TBK1: variants seen among roughly 807,000 people sequenced by gnomAD.
TBK1 encodes TANK binding kinase 1.
A neutral mutation model predicts 99.9 loss-of-function variants in TBK1; 37 were observed. That is an observed-to-expected ratio of 0.37 (90% confidence interval 0.28 to 0.49). The LOEUF (loss-of-function observed/expected upper bound fraction) is 0.49, where lower values mean the gene tolerates loss of function less well. Among genes scored for constraint, TBK1 ranks in the 20% least tolerant of loss-of-function variants. The probability of loss-of-function intolerance (pLI) is 0.98; values close to 1 mark genes in which losing one functional copy is unlikely to be tolerated. For missense variants in TBK1, 644 were observed against 872.5 expected, an observed-to-expected ratio of 0.74 and a Z score of 3.30; for synonymous variants, 258 against 279.8, an observed-to-expected ratio of 0.92 and a Z score of 0.78.
At chr12:64,479,831 T>G (rs2040750437) in intron 6 of TBK1, among the ~76,000 whole-genome samples, 181 bp from the exon 7 acceptor site, 1 of 152,214 alleles carries the variant, frequency 6.6e-6, no homozygotes, top group Non-Finnish European at 1.5e-5. Context: ...CAACCACTAT[T>G]GTACTTCAGT....
At chr12:64,456,735 G>A (rs970874672) in intron 2 of TBK1, among the ~76,000 whole-genome samples, 5 of 151,792 alleles carry the variant, frequency 3.3e-5, no homozygotes, top group East Asian at 3.9e-4. Context: ...CCAGCTACTC[G>A]GGAGGCTGAG....
intron 1 of TBK1, among the ~76,000 whole-genome samples, chr12:64,454,801 C>T (rs945299564): frequency 1.3e-5 from 2 of 151,110 alleles, no homozygotes; most frequent in African/African-American, 4.9e-5. Context: ...GTCAGCCTCC[C>T]GAGTAGCTGG....
At chr12:64,495,396 T>C (rs970733450) in intron 13 of TBK1, 87 bp from the exon 14 acceptor site, 2 of 1,476,536 alleles carry the variant, frequency 1.4e-6, no homozygotes, top group African/African-American at 2.8e-5. Context: ...ACAAAAGAAA[T>C]GTGGTCCAGA....
At position 64,485,482 on chromosome 12, in the gene TBK1, A is replaced by G; in HGVS notation, c.1217A>G (p.Tyr406Cys). ...KISLPKVHPR[Y>C]DLDGDASMAK... ...TCCCTCCCTAAAGTACATCCACGTT[A>G]TGATTTAGACGGGGATGCTAGCATG... Residue 406 changes from tyrosine to cysteine, a missense_variant, in exon 10 of 21, where the codon TAT becomes TGT. By Grantham distance (194) the Tyr-to-Cys change is radical. Around this residue, in one of 3 missense-constraint regions of TBK1, gnomAD observed 465 missense variants for 588.0 expected, o/e 0.79. Transcript: ENST00000331710. The G allele has an allele frequency of 1.3e-6, 2 of 1,567,942 alleles. No homozygotes were observed. Among genetic ancestry groups the G allele is most frequent in the Non-Finnish European group, 1.7e-6 (2 of 1,148,852 alleles).
Position 64,495,590 on chromosome 12 carries a change from T to C in TBK1, c.1629T>C (p.His543=). 6.2e-7 allele frequency: 1 copy of C among 1,614,014 alleles called. No homozygotes were observed. The highest frequency in any genetic ancestry group is 8.5e-7 in the Non-Finnish European group (1 of 1,179,950). ...CATGGGCACATCAAGAAGGCACTCA[T>C]CCGAAAGACAGAAAGTAGGTTATAG... The part of the protein sequence containing the change: ...ADAWAHQEGT[H]PKDRNVEKLQ... The change falls in exon 14 of 21, where the codon CAT becomes CAC. Residue 543 remains histidine, a synonymous_variant. Transcript: ENST00000331710.
chr12:64,469,506 A>G (rs775041352), intron 5 of TBK1, among the ~76,000 whole-genome samples: 3 of 152,096 alleles, frequency 2.0e-5, no homozygotes, highest in African/African-American at 4.8e-5. Flanking sequence ...TCTCAGTTAT[A>G]TTTGGCTAGA....
chr12:64,452,484 C>T (rs1182277181), intron 1 of TBK1: 2 of 152,290 alleles, frequency 1.3e-5, no homozygotes, highest in Non-Finnish European at 2.9e-5. Context: ...CGGTCCTCGA[C>T]CTGCATCCCG....
At position 64,488,479 on chromosome 12, in the gene TBK1, T is replaced by G. The variant is rs1331558876; in HGVS notation, c.1341-8T>G. On this transcript the variant is annotated splice_polypyrimidine_tract_variant and splice_region_variant and intron_variant, in intron 11 of 20. Transcript: ENST00000331710. Reference sequence around the variant, plus strand: ...GATAAACTAATTAGAATAATTTTCTTTTTTTAGTGAATTAATTAAAGATGA... The same window carrying G: ...GATAAACTAATTAGAATAATTTTCTGTTTTTAGTGAATTAATTAAAGATGA... 6.6e-7 allele frequency: 1 copy of G among 1,524,986 alleles called. No individual in the cohort carries two copies. Among genetic ancestry groups the G allele is most frequent in the Non-Finnish European group, 8.8e-7 (1 of 1,131,864 alleles). The allele number at this position is 1,524,986 out of a possible 1,614,324, so 94.5% of individuals were successfully genotyped here. A position where few individuals can be genotyped will look rare whatever the true frequency, so the allele number is the denominator to read the frequency against.
At chr12:64,494,994 C>A (rs1305805701) in intron 13 of TBK1, among the ~76,000 whole-genome samples, 1 of 152,184 alleles carries the variant, frequency 6.6e-6, no homozygotes, top group Non-Finnish European at 1.5e-5. Flanking sequence ...GATAAACTTA[C>A]TAAGCTTAAA....
intron 9 of TBK1, 134 bp from the exon 10 acceptor site, chr12:64,485,321 T>G (rs2040808177): frequency 2.1e-6 from 1 of 467,138 alleles, no homozygotes; most frequent in African/African-American, 2.0e-5. Flanking sequence ...TGAAGTGGTG[T>G]TTTTTTAATC....
chr12:64,487,185 T>A lies in TBK1; in HGVS notation c.1340+1168T>A, dbSNP rs147560993. Among the ~76,000 whole-genome samples the A allele has an allele frequency of 1.2e-3, 183 of 152,344 alleles. 2 individuals carry two copies. Among genetic ancestry groups the A allele is most frequent in the African/African-American group, 4.2e-3 (173 of 41,588 alleles). On this transcript the variant is annotated intron_variant, in intron 11 of 20. Coordinates refer to ENST00000331710, the MANE Select transcript of TBK1 (RefSeq NM_013254.4). Reference sequence around the variant, plus strand: ...CCATCTGAAAAAAATGGAAAATACATTATCTCTTTTGGAAATTATGCTTGT... The same window carrying A: ...CCATCTGAAAAAAATGGAAAATACAATATCTCTTTTGGAAATTATGCTTGT...
intron 5 of TBK1, among the ~76,000 whole-genome samples, chr12:64,473,552 G>A (rs1324645394): frequency 1.3e-5 from 2 of 152,216 alleles, no homozygotes; most frequent in Non-Finnish European, 2.9e-5. Flanking sequence ...AAGATGATAT[G>A]ATAGGCTCTA....
chr12:64,487,845 G>A (rs576825589), intron 11 of TBK1, among the ~76,000 whole-genome samples: 1 of 152,256 alleles, frequency 6.6e-6, no homozygotes, highest in South Asian at 2.1e-4. Flanking sequence ...GTTGATCCCT[G>A]ATGTAGATCA....
Position 64,501,324 on chromosome 12 carries a change from T to C in TBK1, c.2139-6T>C. The C allele has an allele frequency of 6.2e-7, 1 of 1,613,926 alleles. No homozygotes were observed. Among genetic ancestry groups the C allele is most frequent in the Non-Finnish European group, 8.5e-7 (1 of 1,179,950 alleles). ...TTACCTTTTTTTCTTTGTGTGTGTG[T>C]TTTAGGTTTGGCTCTTTAACCATGG... is the stretch of plus-strand genomic sequence containing the variant. On this transcript the variant is annotated splice_polypyrimidine_tract_variant and splice_region_variant and intron_variant, in intron 20 of 20. Coordinates refer to ENST00000331710, the MANE Select transcript of TBK1 (RefSeq NM_013254.4).
intron 3 of TBK1, among the ~76,000 whole-genome samples, chr12:64,460,698 G>A (rs1030443544): frequency 7.0e-6 from 1 of 142,894 alleles, no homozygotes; most frequent in African/African-American, 2.5e-5. Context: ...GCTTGGCATG[G>A]TGGTGCGCAC....
chr12:64,456,212 G>T (rs2040486072), intron 2 of TBK1, among the ~76,000 whole-genome samples: 1 of 152,172 alleles, frequency 6.6e-6, no homozygotes, highest in South Asian at 2.1e-4. Flanking sequence ...GATTAGTGTT[G>T]TGCCTTTTGA....
At chr12:64,457,067 G>C (rs1383719419) in intron 2 of TBK1, among the ~76,000 whole-genome samples, 2 of 152,124 alleles carry the variant, frequency 1.3e-5, no homozygotes, top group Non-Finnish European at 2.9e-5. Context: ...CGAGCTAAAT[G>C]ATGTTTGGAG....
intron 1 of TBK1, among the ~76,000 whole-genome samples, chr12:64,453,193 C>A (rs572597382): frequency 1.3e-5 from 2 of 152,192 alleles, no homozygotes; most frequent in Non-Finnish European, 2.9e-5. Flanking sequence ...AAGATAATTT[C>A]AAAAGACATT....
chr12:64,462,775 C>G (rs1192570433), intron 3 of TBK1, among the ~76,000 whole-genome samples: 1 of 152,180 alleles, frequency 6.6e-6, no homozygotes, highest in Non-Finnish European at 1.5e-5. Context: ...CTGAAATTGT[C>G]ATGCATCTTA....
Sources: gnomAD v4.1 joint callset for allele counts (sites outside exome capture counted in the v4.1 genomes callset) on GRCh38, gnomAD v4.1.1 for gene constraint, gnomAD v4.1.1 regional missense constraint, MANE v1.5 for transcripts, NCBI Gene and HGNC (gene_info 2026-07-23, HGNC 2026-07-21) for gene names.